The following LVRN variants were observed in gnomAD, a reference collection of about 807,000 sequenced individuals.
The protein encoded by LVRN is aminopeptidase Q.
Under a neutral mutation model 111.4 loss-of-function variants are expected in LVRN, and 99 were observed. The ratio of observed to expected loss-of-function variants is 0.89; its 90% CI spans 0.76 to 1.05. The LOEUF is 1.05. LVRN is among the 50% of genes least tolerant of loss of function. The pLI is 0.00. For synonymous variants in LVRN, 488 were observed against 449.5 expected (o/e 1.09, Z -1.08); for missense variants, 1,414 against 1,206.8 (o/e 1.17, Z -2.54).
chr5:115,990,852 A>G (rs1747970556), intron 4 of LVRN, among the ~76,000 whole-genome samples: 1 of 152,162 alleles, frequency 6.6e-6, no homozygotes, highest in Non-Finnish European at 1.5e-5. Flanking sequence ...GATTACGCGC[A>G]TAAGCCACCA....
chr5:115,969,013 C>G (rs539886632), intron 1 of LVRN, among the ~76,000 whole-genome samples: 23 of 152,244 alleles, frequency 1.5e-4, no homozygotes, highest in Admixed American at 4.6e-4. Flanking sequence ...AACCACTGAG[C>G]CTTGACTGTT....
intron 3 of LVRN, 38 bp from the exon 4 acceptor site, chr5:115,987,775 C>G (rs769100567): frequency 6.3e-7 from 1 of 1,591,828 alleles, no homozygotes; most frequent in African/African-American, 1.4e-5. Context: ...AAAATCACTA[C>G]TGGTTTTCCT....
rs376400807 is a variant in LVRN at position 116,015,779 on chromosome 5, T to G, written c.2756+14T>G. On this transcript the variant is annotated intron_variant, in intron 18 of 19. Coordinates refer to ENST00000357872, the MANE Select transcript of LVRN (RefSeq NM_173800.5). ...TGTGAGTAAAAGGTAAGAAGGAAAGTGAGACCTTTCTTTCATTTAGGCCAC... is the reference window on the plus strand; with the variant it reads ...TGTGAGTAAAAGGTAAGAAGGAAAGGGAGACCTTTCTTTCATTTAGGCCAC... 7 of 1,611,842 alleles carry G rather than the reference T, an allele frequency of 4.3e-6. No individual in the cohort carries two copies. The African/African-American group carries it at 8.0e-5, about 18-fold the overall frequency.
chr5:115,985,787 G>T (rs7705905), intron 3 of LVRN, among the ~76,000 whole-genome samples: 1 of 151,988 alleles, frequency 6.6e-6, no homozygotes. Flanking sequence ...TATGGAGGTC[G>T]TGCTGGCAGT....
chr5:116,016,671 C>T (rs145368726), intron 18 of LVRN, among the ~76,000 whole-genome samples: 1 of 152,278 alleles, frequency 6.6e-6, no homozygotes, highest in East Asian at 1.9e-4. Flanking sequence ...ACAAGAAGCC[C>T]TGCAGAAGGA....
In LVRN at chr5:116,001,211, A is replaced by G. The variant is rs763454720; in HGVS notation, c.1792A>G (p.Ile598Val). 14 of 1,613,636 alleles carry G rather than the reference A, an allele frequency of 8.7e-6. 1 individual carries two copies. The highest frequency in any genetic ancestry group is 7.7e-5 in the South Asian group (7 of 90,958). Residue 598 changes from isoleucine to valine, a missense_variant, in exon 10 of 20, where the codon ATT becomes GTT. By Grantham distance (29) the Ile-to-Val change is conservative. Coordinates refer to ENST00000357872, the MANE Select transcript of LVRN (RefSeq NM_173800.5). ...MKQEPFYLENIKNRTLLTSND... is the reference protein window; with the variant it reads ...MKQEPFYLENVKNRTLLTSND... ...ACAGGAGCCATTTTATCTTGAAAAC[A>G]TTAAAAATCGGACTCTTCTAACCAG...
At chr5:115,972,585 T>G (rs1381682518) in intron 1 of LVRN, among the ~76,000 whole-genome samples, 1 of 152,022 alleles carries the variant, frequency 6.6e-6, no homozygotes, top group Non-Finnish European at 1.5e-5. Context: ...TTTTATTTAT[T>G]TTTCTTGCCT....
intron 4 of LVRN, among the ~76,000 whole-genome samples, chr5:115,990,235 T>C (rs976684344): frequency 1.2e-4 from 19 of 152,220 alleles, no homozygotes; most frequent in African/African-American, 3.1e-4. Flanking sequence ...TGGGTTATTA[T>C]TGTGCCAATT....
At chr5:116,005,484 T>C (rs1286316774) in intron 12 of LVRN, among the ~76,000 whole-genome samples, 2 of 152,260 alleles carry the variant, frequency 1.3e-5, no homozygotes, top group Non-Finnish European at 2.9e-5. Context: ...TGAAAAAATA[T>C]GGTACCTCAA....
At chr5:115,989,917 C>A (rs1248791125) in intron 4 of LVRN, among the ~76,000 whole-genome samples, 1 of 152,058 alleles carries the variant, frequency 6.6e-6, no homozygotes, top group Non-Finnish European at 1.5e-5. Context: ...AACAACAAAA[C>A]AAAACAAAAC....
At position 115,962,699 on chromosome 5, in the gene LVRN, C is replaced by T; in HGVS notation, c.82C>T (p.Leu28=). 6.2e-7 allele frequency: 1 copy of T among 1,611,422 alleles called. No individual in the cohort carries two copies. Among genetic ancestry groups the T allele is most frequent in the Non-Finnish European group, 8.5e-7 (1 of 1,179,616 alleles). Residue 28 remains leucine, a synonymous_variant, in exon 1 of 20, where the codon CTG becomes TTG. Coordinates refer to ENST00000357872, the MANE Select transcript of LVRN (RefSeq NM_173800.5). ...LLAGLVAALL[L]ALAVLAALYG... is the part of the protein sequence containing the mutation. ...GGCTGGGCTGGTAGCCGCCCTCCTG[C>T]TGGCGCTGGCCGTACTCGCCGCCTT...
chr5:116,011,020 T>G, intron 14 of LVRN, 126 bp downstream of exon 14: 5 of 185,014 alleles, frequency 2.7e-5, no homozygotes, highest in Non-Finnish European at 3.7e-5. Flanking sequence ...TATATATATA[T>G]ATATATGGAA....
At chr5:115,981,967 T>G (rs1368382678) in intron 1 of LVRN, among the ~76,000 whole-genome samples, 2 of 152,160 alleles carry the variant, frequency 1.3e-5, no homozygotes, top group African/African-American at 4.8e-5. Flanking sequence ...GTGGGGAAAC[T>G]GGGGCTTAAC....
intron 13 of LVRN, 134 bp downstream of exon 13, chr5:116,006,101 T>C (rs76465731): frequency 0.016 from 10,443 of 642,580 alleles, 130 homozygotes; most frequent in African/African-American, 0.037. Flanking sequence ...TGAAATTCTG[T>C]AGCTGCAATG....
At chr5:115,969,635 A>G (rs1158113364) in intron 1 of LVRN, among the ~76,000 whole-genome samples, 1 of 151,912 alleles carries the variant, frequency 6.6e-6, no homozygotes, top group Non-Finnish European at 1.5e-5. Context: ...GTCTCTACTA[A>G]AAATACGAAA....
chr5:115,994,624 G>C (rs1748066225), intron 6 of LVRN, among the ~76,000 whole-genome samples: 1 of 135,262 alleles, frequency 7.4e-6, no homozygotes, highest in Non-Finnish European at 1.6e-5. Context: ...TTTATGATAA[G>C]TAATATGCTA....
intron 6 of LVRN, among the ~76,000 whole-genome samples, chr5:115,994,901 T>C (rs1748072531): frequency 6.6e-6 from 1 of 152,208 alleles, no homozygotes; most frequent in Non-Finnish European, 1.5e-5. Context: ...AGGTTCTTTC[T>C]TGGTTTGCAT....
chr5:116,000,510 A>G lies in LVRN; in HGVS notation c.1581+12A>G. Reference sequence around the variant, plus strand: ...TCAGTGCACTCAAGGTGAGTTTGCAAAATAGTCGTTACCTGGATGGCAGTA... The same window carrying G: ...TCAGTGCACTCAAGGTGAGTTTGCAGAATAGTCGTTACCTGGATGGCAGTA... On this transcript the variant is annotated intron_variant, in intron 8 of 19. Transcript: ENST00000357872. 6.2e-7 allele frequency: 1 copy of G among 1,614,036 alleles called. No homozygotes were observed. Among genetic ancestry groups the G allele is most frequent in the South Asian group, 1.1e-5 (1 of 91,088 alleles).
intron 4 of LVRN, 107 bp downstream of exon 4, chr5:115,988,046 T>G: frequency 7.0e-7 from 1 of 1,432,224 alleles, no homozygotes; most frequent in East Asian, 2.3e-5. Context: ...CATCACCATT[T>G]AGCTGCTGGT....
Sources: gnomAD v4.1 joint callset for allele counts (sites outside exome capture counted in the v4.1 genomes callset) on GRCh38, gnomAD v4.1.1 for gene constraint, MANE v1.5 for transcripts, NCBI Gene and HGNC (gene_info 2026-07-23, HGNC 2026-07-21) for gene names.